The following TEKTIP1 variants were observed in gnomAD, a reference collection of about 807,000 sequenced individuals.
The protein encoded by TEKTIP1 is tektin bundle interacting protein 1.
chr19:3,541,846 T>C, the TEKTIP1 span: 2 of 963,958 alleles, frequency 2.1e-6, no homozygotes, highest in African/African-American at 3.5e-5. Flanking sequence ...TCTCGCTCTC[T>C]CACCCAGGCT....
chr19:3,543,360 C>T, the TEKTIP1 span: 107 of 1,549,432 alleles, frequency 6.9e-5, no homozygotes, highest in Admixed American at 1.2e-4. Context: ...CTGACCAACT[C>T]GGACGCCTGG....
the TEKTIP1 span, among the ~76,000 whole-genome samples, chr19:3,540,748 T>G: frequency 6.0e-5 from 9 of 151,114 alleles, no homozygotes; most frequent in East Asian, 2.0e-4. Context: ...GAATGGTGGC[T>G]CATGCCTGTA....
At chr19:3,540,539 A>G in the TEKTIP1 span, among the ~76,000 whole-genome samples, 7 of 149,888 alleles carry the variant, frequency 4.7e-5, no homozygotes, top group Non-Finnish European at 8.9e-5. Context: ...TACAGGCGTG[A>G]GGCACCGCGC....
At chr19:3,543,601 C>T in the TEKTIP1 span, 1 of 1,544,766 alleles carries the variant, frequency 6.5e-7, no homozygotes, top group Non-Finnish European at 8.7e-7. Flanking sequence ...ACCCCATCGT[C>T]CCTGCCCAGT....
At chr19:3,543,426 A>C in the TEKTIP1 span, 10 of 1,544,756 alleles carry the variant, frequency 6.5e-6, no homozygotes, top group African/African-American at 1.3e-4. Flanking sequence ...GAGGCCTACA[A>C]CCGCTGGCAC....
chr19:3,543,486 C>CCT, the TEKTIP1 span: 10 of 1,518,246 alleles, frequency 6.6e-6, no homozygotes, highest in African/African-American at 1.4e-5. Context: ...GAGTGCCCCC[C>CCT]CCCCCGCCCT....
At chr19:3,541,598 G>A in the TEKTIP1 span, 1 of 975,264 alleles carries the variant, frequency 1.0e-6, no homozygotes, top group Non-Finnish European at 1.2e-6. Flanking sequence ...TGGGATTACA[G>A]GCATGAGCCA....
chr19:3,541,840 G>A, the TEKTIP1 span: 19 of 964,950 alleles, frequency 2.0e-5, no homozygotes, highest in Admixed American at 1.8e-4. Flanking sequence ...ACAGAGTCTC[G>A]CTCTCTCACC....
At chr19:3,539,579 G>T in the TEKTIP1 span, 1 of 343,936 alleles carries the variant, frequency 2.9e-6, no homozygotes, top group Non-Finnish European at 5.4e-6. Flanking sequence ...GGGCCCTTCT[G>T]TGGCTGAGAG....
chr19:3,543,354 C>G, the TEKTIP1 span: 1 of 1,549,466 alleles, frequency 6.5e-7, no homozygotes, highest in Non-Finnish European at 8.7e-7. Flanking sequence ...ACAGGCCTGA[C>G]CAACTCGGAC....
the TEKTIP1 span, among the ~76,000 whole-genome samples, chr19:3,540,670 A>G: frequency 6.8e-6 from 1 of 147,156 alleles, no homozygotes; most frequent in African/African-American, 2.5e-5. Context: ...ACCTGAAGTC[A>G]GGAGTTCGAG....
At chr19:3,543,775 G>C in the TEKTIP1 span, 3 of 1,490,822 alleles carry the variant, frequency 2.0e-6, no homozygotes, top group Admixed American at 4.5e-5. Flanking sequence ...GGAGCCCCTT[G>C]CTGGCCAACG....
At chr19:3,543,964 C>T in the TEKTIP1 span, 1 of 1,550,430 alleles carries the variant, frequency 6.4e-7, no homozygotes, top group South Asian at 1.2e-5. Context: ...TACTGCCCCT[C>T]CACCTGCCAG....
chr19:3,541,560 A>G, the TEKTIP1 span: 2 of 611,168 alleles, frequency 3.3e-6, no homozygotes, highest in East Asian at 2.8e-4. Context: ...TGACCTCATG[A>G]TCCGCCTGCC....
At chr19:3,540,871 C>CA in the TEKTIP1 span, among the ~76,000 whole-genome samples, 2,049 of 60,972 alleles carry the variant, frequency 0.034, 59 homozygotes, top group African/African-American at 0.097. Context: ...AACTCCATCT[C>CA]AAAAAAAAAA....
At chr19:3,543,787 C>A in the TEKTIP1 span, 1 of 1,494,110 alleles carries the variant, frequency 6.7e-7, no homozygotes, top group Non-Finnish European at 9.0e-7. Context: ...TGGCCAACGG[C>A]GAGGAGGTGG....
the TEKTIP1 span, among the ~76,000 whole-genome samples, chr19:3,541,140 G>C: frequency 2.9e-5 from 4 of 139,088 alleles, no homozygotes; most frequent in Non-Finnish European, 6.1e-5. Context: ...CTGCACTCCA[G>C]CCTGGGTGAC....
At chr19:3,543,833 C>G in the TEKTIP1 span, 1 of 1,530,958 alleles carries the variant, frequency 6.5e-7, no homozygotes, top group East Asian at 2.5e-5. Context: ...CTACAGTGCT[C>G]AACAGGAACC....
At chr19:3,539,747 T>C in the TEKTIP1 span, 1 of 161,018 alleles carries the variant, frequency 6.2e-6, no homozygotes, top group Non-Finnish European at 1.4e-5. Context: ...GGGGCCATCC[T>C]AACACGGGGT....
Sources: gnomAD v4.1 joint callset for allele counts (sites outside exome capture counted in the v4.1 genomes callset) on GRCh38, gnomAD v4.1.1 for gene constraint, MANE v1.5 for transcripts, NCBI Gene and HGNC (gene_info 2026-07-23, HGNC 2026-07-21) for gene names.